Variants in GCSH observed in about 807,000 individuals in gnomAD.
The protein encoded by GCSH is glycine cleavage system protein H.
In GCSH, 15 loss-of-function variants were observed where a neutral mutation model predicts 21.3. That is an observed-to-expected ratio of 0.70 (90% CI 0.47 to 1.08). The LOEUF is 1.08. GCSH is among the 50% of genes least tolerant of loss of function. The pLI is 0.00. For synonymous variants in GCSH, 59 were observed against 84.5 expected (o/e 0.70, Z 1.66); for missense variants, 179 against 217.5 (o/e 0.82, Z 1.11).
rs1050350 is a variant in GCSH, at chr16:81,082,675, G to A, written c.*191C>T. ...AATCATAGGATATTGTGAAAAAGAC[G>A]CATATTATATTTATCTATAATCATT... On this transcript the variant is annotated 3_prime_UTR_variant, in exon 5 of 5. Transcript: ENST00000315467. 47,030 of 487,062 alleles carry A rather than the reference G, an allele frequency of 0.097. 2,634 individuals are homozygous for A. The highest frequency in any genetic ancestry group is 0.2 in the East Asian group (5,584 of 27,298). 30.2% of individuals were successfully genotyped at this position (487,062 alleles called of 1,614,324 possible).
chr16:81,094,575 A>T (rs1488816268), intron 1 of GCSH, among the ~76,000 whole-genome samples: 2 of 152,148 alleles, frequency 1.3e-5, no homozygotes, highest in Admixed American at 1.3e-4. Context: ...GAAATGCTTT[A>T]CCTTTGTATT....
chr16:81,083,017 T>C, intron 4 of GCSH, 54 bp from the exon 5 acceptor site: 1 of 1,068,116 alleles, frequency 9.4e-7, no homozygotes, highest in Non-Finnish European at 1.5e-6. Flanking sequence ...AAAGTCAAAT[T>C]CATCCAAAAC....
chr16:81,094,968 C>T (rs945325216), intron 1 of GCSH, among the ~76,000 whole-genome samples: 1 of 151,980 alleles, frequency 6.6e-6, no homozygotes, highest in African/African-American at 2.4e-5. Flanking sequence ...TGACGGGCGC[C>T]AGTGAACCCA....
Position 81,082,950 on chromosome 16 carries a change from C to G in GCSH, c.438G>C (p.Lys146Asn). Reference sequence around the variant, plus strand: ...GTTCTGAAGGGTTACTCAGTGTCATCTTGATCAGCCAACCTGCAACCAAAA... The same window carrying G: ...GTTCTGAAGGGTTACTCAGTGTCATGTTGATCAGCCAACCTGCAACCAAAA... ...KSCYEDGWLIKMTLSNPSELD... is the reference protein window; with the variant it reads ...KSCYEDGWLINMTLSNPSELD... The change falls in exon 5 of 5, where the codon AAG becomes AAC. Residue 146 changes from lysine to asparagine, a missense_variant. Physicochemically the swap from Lys to Asn is moderately conservative, Grantham distance 94. Transcript: ENST00000315467. The G allele has an allele frequency of 6.3e-7, 1 of 1,577,558 alleles. No individual in the cohort carries two copies. The highest frequency in any genetic ancestry group is 8.7e-7 in the Non-Finnish European group (1 of 1,146,846).
In GCSH at chr16:81,087,744, G is replaced by A. The variant is rs61655166; in HGVS notation, c.229-80C>T. On this transcript the variant is annotated intron_variant, in intron 2 of 4. Transcript: ENST00000315467. ...CAGTAAACAGAATAAGCCAAACACTGAATCCCCTATAATGAAGATTTAGTA... is the reference window on the plus strand; with the variant it reads ...CAGTAAACAGAATAAGCCAAACACTAAATCCCCTATAATGAAGATTTAGTA... The A allele has an allele frequency of 1.8e-3, 1,688 of 912,812 alleles. 17 individuals carry two copies. In the African/African-American group the frequency reaches 0.025, roughly 14 times the overall value. The allele number at this position is 912,812 out of a possible 1,614,324, so 56.5% of individuals were successfully genotyped here.
At chr16:81,087,549 A>G (rs941100519) in intron 3 of GCSH, 52 bp downstream of exon 3, 8 of 1,245,842 alleles carry the variant, frequency 6.4e-6, no homozygotes, top group South Asian at 6.0e-5. Context: ...TTACTATTCA[A>G]TGTAAACAAA....
chr16:81,089,887 G>C (rs1487004430), intron 2 of GCSH, among the ~76,000 whole-genome samples: 1 of 152,068 alleles, frequency 6.6e-6, no homozygotes, highest in African/African-American at 2.4e-5. Flanking sequence ...TGTATCACTG[G>C]ACCCACAAAA....
In GCSH at chr16:81,095,414, G is replaced by A. The variant is rs555383782; in HGVS notation, c.148+717C>T. ...TTTTTTTTTTTTGAGGTGGAGTTTTGCTCTGTCGCCCAGGCTGGAGTGCAG... is the reference window on the plus strand; with the variant it reads ...TTTTTTTTTTTTGAGGTGGAGTTTTACTCTGTCGCCCAGGCTGGAGTGCAG... On this transcript the variant is annotated intron_variant, in intron 1 of 4. Transcript: ENST00000315467. 1.3e-4 allele frequency among the ~76,000 whole-genome samples: 19 copies of A among 143,774 alleles called. 1 individual carries two copies. In the South Asian group the frequency reaches 4.0e-3, roughly 30 times the overall value. The allele number at this position is 143,774 out of a possible 152,430, so 94.3% of individuals were successfully genotyped here. A position where few individuals can be genotyped will look rare whatever the true frequency, so the allele number is the denominator to read the frequency against.
chr16:81,084,780 C>T (rs921249368), intron 3 of GCSH, among the ~76,000 whole-genome samples, 186 bp from the exon 4 acceptor site: 5 of 149,932 alleles, frequency 3.3e-5, no homozygotes, highest in East Asian at 3.9e-4. Flanking sequence ...CGCAATCTCA[C>T]GTCACTGCAA....
At chr16:81,087,710 T>G in intron 2 of GCSH, 46 bp from the exon 3 acceptor site, 1 of 1,295,898 alleles carries the variant, frequency 7.7e-7, no homozygotes, top group Non-Finnish European at 1.1e-6. Flanking sequence ...AAGTTATAAC[T>G]AAACCCTCCA....
chr16:81,087,047 T>C (rs1972294575), intron 3 of GCSH, among the ~76,000 whole-genome samples: 3 of 152,156 alleles, frequency 2.0e-5, no homozygotes, highest in African/African-American at 4.8e-5. Flanking sequence ...TTATCTAACA[T>C]ATCGATATTA....
intron 1 of GCSH, among the ~76,000 whole-genome samples, chr16:81,094,966 G>A (rs1339388572): frequency 2.0e-5 from 3 of 151,994 alleles, no homozygotes; most frequent in African/African-American, 4.8e-5. Context: ...GGTGACGGGC[G>A]CCAGTGAACC....
chr16:81,089,669 A>G (rs8177881), intron 2 of GCSH, among the ~76,000 whole-genome samples: 5,271 of 152,212 alleles, frequency 0.035, 240 homozygotes, highest in African/African-American at 0.11. Context: ...ATCAGTTAAC[A>G]TCCCCCCTTC....
intron 1 of GCSH, 136 bp downstream of exon 1, chr16:81,095,992 TAAG>T (rs914249525): frequency 1.6e-5 from 11 of 679,886 alleles, no homozygotes; most frequent in Non-Finnish European, 2.1e-5. Context: ...CCAACAGAAA[TAAG>T]AAGGGGGCAG....
intron 1 of GCSH, among the ~76,000 whole-genome samples, chr16:81,094,666 A>G (rs540365588): frequency 4.0e-4 from 61 of 152,334 alleles, no homozygotes; most frequent in African/African-American, 1.1e-3. Flanking sequence ...TCTTTATGCT[A>G]CAAATTTTGG....
At chr16:81,084,644 C>T in intron 3 of GCSH, 50 bp from the exon 4 acceptor site, 1 of 1,397,878 alleles carries the variant, frequency 7.2e-7, no homozygotes, top group Non-Finnish European at 1.0e-6. Flanking sequence ...AAGTCAGTTA[C>T]TTGAAAACAT....
At chr16:81,084,668 G>C in intron 3 of GCSH, 74 bp from the exon 4 acceptor site, 2 of 1,061,614 alleles carry the variant, frequency 1.9e-6, no homozygotes, top group Non-Finnish European at 2.8e-6. Context: ...ATACGAAAAA[G>C]TAGATTCCTG....
At chr16:81,083,062 T>A in intron 4 of GCSH, 99 bp from the exon 5 acceptor site, 1 of 803,694 alleles carries the variant, frequency 1.2e-6, no homozygotes, top group East Asian at 2.4e-5. Context: ...AATCTTGTAT[T>A]CTTTACAAAA....
chr16:81,089,108 T>C (rs1972341493), intron 2 of GCSH, among the ~76,000 whole-genome samples: 1 of 152,218 alleles, frequency 6.6e-6, no homozygotes, highest in African/African-American at 2.4e-5. Context: ...CTGAGGAATT[T>C]TGTACAGTCA....
Sources: gnomAD v4.1 joint callset for allele counts (sites outside exome capture counted in the v4.1 genomes callset) on GRCh38, gnomAD v4.1.1 for gene constraint, MANE v1.5 for transcripts, NCBI Gene and HGNC (gene_info 2026-07-23, HGNC 2026-07-21) for gene names.